The following TARS2 variants were observed in gnomAD, a reference collection of about 807,000 sequenced individuals.
TARS2 encodes threonyl-tRNA synthetase 2, mitochondrial.
A neutral mutation model predicts 94.4 loss-of-function variants in TARS2; 61 were observed. The ratio of observed to expected loss-of-function variants is 0.65; its 90% CI spans 0.53 to 0.80. TARS2 has a LOEUF of 0.80. Among genes scored for constraint, TARS2 ranks in the 30% least tolerant of loss-of-function variants. The probability of loss-of-function intolerance (pLI) is 0.00; values close to 1 mark genes in which losing one functional copy is unlikely to be tolerated. For synonymous variants in TARS2, 359 were observed against 353.4 expected, an observed-to-expected ratio of 1.02 and a Z score of -0.18; for missense variants, 704 against 902.5, an observed-to-expected ratio of 0.78 and a Z score of 2.82.
Position 150,498,938 on chromosome 1 carries a change from C to T in TARS2, c.1443C>T (p.Ser481=), listed in dbSNP as rs587752320. 18 of 1,614,208 alleles carry T rather than the reference C, an allele frequency of 1.1e-5. No individual in the cohort carries two copies. Among genetic ancestry groups the T allele is most frequent in the East Asian group, 4.5e-5 (2 of 44,890 alleles). Residue 481 remains serine, a synonymous_variant, in exon 12 of 18, where the codon TCC becomes TCT. Coordinates refer to ENST00000369064, the MANE Select transcript of TARS2 (RefSeq NM_025150.5). ...EIQSCLDFLR[S]VYAVLGFSFR... Reference sequence around the variant, plus strand: ...AAAGCTGTCTTGATTTCCTCCGTTCCGTCTATGCCGTTCTTGGCTTCTCCT... The same window carrying T: ...AAAGCTGTCTTGATTTCCTCCGTTCTGTCTATGCCGTTCTTGGCTTCTCCT...
intron 13 of TARS2, 134 bp from the exon 14 acceptor site, chr1:150,504,201 A>G: frequency 1.3e-6 from 1 of 754,690 alleles, no homozygotes; most frequent in Non-Finnish European, 2.3e-6. Flanking sequence ...CGTATGATAG[A>G]GCTAGGTGAC....
chr1:150,498,821 T>C, intron 11 of TARS2, 76 bp from the exon 12 acceptor site: 1 of 1,610,996 alleles, frequency 6.2e-7, no homozygotes, highest in Admixed American at 1.7e-5. Context: ...TTTTTGCCCT[T>C]TGTTTTCCTC....
intron 13 of TARS2, among the ~76,000 whole-genome samples, chr1:150,501,302 A>ATT (rs869271907): frequency 1.6e-3 from 51 of 32,100 alleles, no homozygotes; most frequent in East Asian, 4.3e-3. Context: ...ACAAAAAAAA[A>ATT]TTTTTTTTTT....
intron 3 of TARS2, among the ~76,000 whole-genome samples, chr1:150,490,054 C>T (rs1013940397): frequency 4.7e-5 from 7 of 150,486 alleles, no homozygotes; most frequent in Non-Finnish European, 1.0e-4. Context: ...AGGGGTGGGG[C>T]TGGAGCTTCT....
At chr1:150,487,575 C>T in intron 1 of TARS2, 59 bp downstream of exon 1, 3 of 1,609,104 alleles carry the variant, frequency 1.9e-6, no homozygotes, top group Non-Finnish European at 2.5e-6. Flanking sequence ...CCGAAGCCCC[C>T]AAATTTTTAT....
At chr1:150,488,149 C>G in intron 2 of TARS2, 95 bp downstream of exon 2, 1 of 1,383,294 alleles carries the variant, frequency 7.2e-7, no homozygotes, top group Non-Finnish European at 9.8e-7. Context: ...CTGCTTGTTT[C>G]TGTTCCGTCC....
chr1:150,496,479 C>T lies in TARS2; in HGVS notation c.775-3C>T. On this transcript the variant is annotated splice_polypyrimidine_tract_variant and splice_region_variant and intron_variant, in intron 7 of 17. Transcript: ENST00000369064. ...TCCTTTGATCCCCTATGTCCTCACA[C>T]AGAACTCATCATCCTTATGGAGGTC... 1 of 1,610,226 alleles carries T rather than the reference C, an allele frequency of 6.2e-7. No homozygotes were observed.
chr1:150,488,845 C>G (rs771323956), intron 2 of TARS2, 119 bp from the exon 3 acceptor site: 23 of 1,428,060 alleles, frequency 1.6e-5, no homozygotes, highest in Non-Finnish European at 2.1e-5. Context: ...TCACTCTATT[C>G]TCTACCACTG....
Position 150,498,980 on chromosome 1 carries a change from C to T in TARS2, c.1485C>T (p.Ser495=). ...GCTTCTCCTTCCGCCTGGCACTGTC[C>T]ACCCGGCCATCTGGCTTCCTGGGGG... ...VLGFSFRLAL[S]TRPSGFLGDP... The change falls in exon 12 of 18, where the codon TCC becomes TCT. Residue 495 remains serine (S), a synonymous_variant. Transcript: ENST00000369064. 6.2e-7 allele frequency: 1 copy of T among 1,614,194 alleles called. No individual in the cohort carries two copies. The highest frequency in any genetic ancestry group is 8.5e-7 in the Non-Finnish European group (1 of 1,180,044).
At position 150,490,693 on chromosome 1, in the gene TARS2, C is replaced by G. The variant is rs746637160; in HGVS notation, c.480C>G (p.Gly160=). ...GCAGAGGTCCAAGTACAGAATATGG[C>G]TTTTACCATGATTTCTTCCTGGGAA... ...VLCRGPSTEY[G]FYHDFFLGKE... Residue 160 remains glycine, a synonymous_variant, in exon 4 of 18, where the codon GGC becomes GGG. Transcript: ENST00000369064. The G allele has an allele frequency of 6.2e-7, 1 of 1,613,868 alleles. No individual in the cohort carries two copies. The highest frequency in any genetic ancestry group is 1.1e-5 in the South Asian group (1 of 91,060).
At chr1:150,498,474 C>G in intron 10 of TARS2, 28 bp from the exon 11 acceptor site, 1 of 1,544,332 alleles carries the variant, frequency 6.5e-7, no homozygotes, top group South Asian at 1.3e-5. Flanking sequence ...CTCCCTATGG[C>G]CCTGACCCCT....
At chr1:150,492,581 GC>G (rs1295056737) in intron 7 of TARS2, 92 bp downstream of exon 7, 6 of 1,335,418 alleles carry the variant, frequency 4.5e-6, no homozygotes, top group Non-Finnish European at 2.1e-6. Flanking sequence ...GGAGGCTGAG[GC>G]AGATGGATCA....
rs191070440 is a variant in TARS2 at position 150,500,613 on chromosome 1, G to A, written c.1617+1320G>A. On this transcript the variant is annotated intron_variant, in intron 13 of 17. Coordinates refer to ENST00000369064, the MANE Select transcript of TARS2 (RefSeq NM_025150.5). The stretch of plus-strand genomic sequence containing the variant: ...AAAGTAAAAATAAAACAGGCTGGGG[G>A]CGGTGGCTCACGCCTATAATCCCAG... Among the ~76,000 whole-genome samples, 77 of 151,886 alleles carry A rather than the reference G, an allele frequency of 5.1e-4. No individual in the cohort carries two copies. The East Asian group carries it at 0.012, about 23-fold the overall frequency.
intron 16 of TARS2, among the ~76,000 whole-genome samples, chr1:150,505,256 A>T (rs1670151176): frequency 6.6e-6 from 1 of 152,232 alleles, no homozygotes; most frequent in African/African-American, 2.4e-5. Flanking sequence ...GATTGAGTAC[A>T]CAGTTTTATT....
At chr1:150,499,320 GTATT>G in intron 13 of TARS2, 27 bp downstream of exon 13, 1 of 1,596,656 alleles carries the variant, frequency 6.3e-7, no homozygotes, top group East Asian at 2.2e-5. Flanking sequence ...GGTTAGTGTT[GTATT>G]TATTTATTTT....
Position 150,490,628 on chromosome 1 carries a change from C to G in TARS2, c.415C>G (p.Leu139Val). ...GTTCTGGCACTCCAGCACCCATGTC[C>G]TGGGGGCAGCAGCTGAACAATTCCT... is the stretch of plus-strand genomic sequence containing the variant. ...AVFWHSSTHV[L>V]GAAAEQFLGA... The change falls in exon 4 of 18, where the codon CTG (leucine) becomes GTG (valine). Residue 139 changes from leucine to valine, a missense_variant. By Grantham distance (32) the Leu-to-Val change is conservative. Coordinates refer to ENST00000369064, the MANE Select transcript of TARS2 (RefSeq NM_025150.5). 1.2e-6 allele frequency: 2 copies of G among 1,613,922 alleles called. No homozygotes were observed. Among genetic ancestry groups the G allele is most frequent in the Non-Finnish European group, 1.7e-6 (2 of 1,179,976 alleles).
intron 7 of TARS2, among the ~76,000 whole-genome samples, 166 bp from the exon 8 acceptor site, chr1:150,496,316 A>G (rs1269238491): frequency 6.6e-6 from 1 of 152,168 alleles, no homozygotes; most frequent in Non-Finnish European, 1.5e-5. Context: ...CAACACTTTA[A>G]TCTAGAAGAA....
At chr1:150,503,701 G>GTATA (rs1318587153) in intron 13 of TARS2, among the ~76,000 whole-genome samples, 1 of 142,912 alleles carries the variant, frequency 7.0e-6, no homozygotes, top group Non-Finnish European at 1.5e-5. Flanking sequence ...ATATGTGTGT[G>GTATA]TATATATACA....
At chr1:150,488,723 C>A in intron 2 of TARS2, 1 of 396,198 alleles carries the variant, frequency 2.5e-6, no homozygotes. Flanking sequence ...TGTATTCACC[C>A]AACTCTGCTA....
Sources: gnomAD v4.1 joint callset for allele counts (sites outside exome capture counted in the v4.1 genomes callset) on GRCh38, gnomAD v4.1.1 for gene constraint, MANE v1.5 for transcripts, NCBI Gene and HGNC (gene_info 2026-07-23, HGNC 2026-07-21) for gene names.